ABHD3: variants seen among roughly 807,000 people sequenced by gnomAD.
ABHD3 encodes abhydrolase domain containing 3, phospholipase.
Under a neutral mutation model 48.8 loss-of-function variants are expected in ABHD3, and 46 were observed. That is an observed-to-expected ratio of 0.94 (90% confidence interval 0.74 to 1.20). The LOEUF is 1.20. Ranked by LOEUF, ABHD3 falls within the 50% of genes most tolerant of loss-of-function variation. ABHD3 has a pLI of 0.00. For missense variants in ABHD3, 490 were observed against 497.8 expected (o/e 0.98, Z 0.15); for synonymous variants, 192 against 183.7 (o/e 1.04, Z -0.36).
intron 3 of ABHD3, among the ~76,000 whole-genome samples, chr18:21,687,379 T>C (rs2040151102): frequency 8.0e-6 from 1 of 125,102 alleles, no homozygotes; most frequent in Non-Finnish European, 1.5e-5. Flanking sequence ...AGGCTAATTT[T>C]TTGTATTTTT....
intron 3 of ABHD3, among the ~76,000 whole-genome samples, chr18:21,698,974 C>T (rs568167748): frequency 3.6e-4 from 55 of 151,676 alleles, no homozygotes; most frequent in Non-Finnish European, 5.9e-4. Context: ...TGCTTTGTCT[C>T]CTAGACTGGA....
At chr18:21,656,614 A>G (rs1185770435) in intron 8 of ABHD3, among the ~76,000 whole-genome samples, 1 of 152,208 alleles carries the variant, frequency 6.6e-6, no homozygotes, top group Non-Finnish European at 1.5e-5. Context: ...GGTAAGAAGG[A>G]AAGGTTATAA....
At chr18:21,700,003 T>C (rs182362162) in intron 3 of ABHD3, among the ~76,000 whole-genome samples, 1 of 152,158 alleles carries the variant, frequency 6.6e-6, no homozygotes, top group Admixed American at 6.5e-5. Flanking sequence ...TTATAAGCAA[T>C]GGACAAAAGG....
At chr18:21,691,084 G>A (rs2040242139) in intron 3 of ABHD3, among the ~76,000 whole-genome samples, 1 of 149,250 alleles carries the variant, frequency 6.7e-6, no homozygotes, top group South Asian at 2.1e-4. Flanking sequence ...TACTCTGAAA[G>A]TTAAAGTGTA....
At chr18:21,696,303 C>T (rs1023823267) in intron 3 of ABHD3, among the ~76,000 whole-genome samples, 1 of 152,000 alleles carries the variant, frequency 6.6e-6, no homozygotes, top group Non-Finnish European at 1.5e-5. Flanking sequence ...GCCAACACGC[C>T]CGGCTAGTTT....
At chr18:21,651,860 G>C in intron 8 of ABHD3, 97 bp from the exon 9 acceptor site, 1 of 1,115,836 alleles carries the variant, frequency 9.0e-7, no homozygotes. Context: ...CCTTTATCAT[G>C]TCTAATAAAC....
rs62090805 is a variant in ABHD3, at chr18:21,699,359, A to G, written c.509+2957T>C. On this transcript the variant is annotated intron_variant, in intron 3 of 8. Transcript: ENST00000289119. ...TTCCAAAGCCCAAACACATTCCGTCATATTACACAGCTTTTCACAAACCCT... is the reference window on the plus strand; with the variant it reads ...TTCCAAAGCCCAAACACATTCCGTCGTATTACACAGCTTTTCACAAACCCT... 1.5e-3 allele frequency among the ~76,000 whole-genome samples: 225 copies of G among 152,332 alleles called. 1 individual carries two copies. Among genetic ancestry groups the G allele is most frequent in the Non-Finnish European group, 2.1e-3 (142 of 68,038 alleles).
Position 21,703,757 on chromosome 18 carries a change from A to G in ABHD3, c.163-10T>C. 6.2e-7 allele frequency: 1 copy of G among 1,611,944 alleles called. No homozygotes were observed. Among genetic ancestry groups the G allele is most frequent in the Non-Finnish European group, 8.5e-7 (1 of 1,178,418 alleles). On this transcript the variant is annotated splice_polypyrimidine_tract_variant and intron_variant, in intron 1 of 8. Coordinates refer to ENST00000289119, the MANE Select transcript of ABHD3 (RefSeq NM_138340.5). ...TCACTAACTGGGGTTTCTGAAGGGA[A>G]AAGCAGTATCAGAGAAGGGCCCAGA...
intron 3 of ABHD3, among the ~76,000 whole-genome samples, chr18:21,695,062 C>T (rs969335536): frequency 1.3e-5 from 2 of 151,938 alleles, no homozygotes; most frequent in African/African-American, 4.8e-5. Context: ...GATGGAGTCT[C>T]GCTCTTGTCA....
chr18:21,664,669 C>T (rs1220005652), intron 4 of ABHD3: 1 of 156,744 alleles, frequency 6.4e-6, no homozygotes, highest in Non-Finnish European at 1.4e-5. Flanking sequence ...CTTGCACTGT[C>T]ACTCAGGCTA....
At chr18:21,704,116 A>C (rs1293430255) in intron 1 of ABHD3, among the ~76,000 whole-genome samples, 9 of 152,050 alleles carry the variant, frequency 5.9e-5, no homozygotes, top group African/African-American at 1.4e-4. Context: ...CGAACTCTTG[A>C]CCTCAGGTGA....
intron 8 of ABHD3, among the ~76,000 whole-genome samples, chr18:21,656,464 C>G (rs2039352006): frequency 6.6e-6 from 1 of 152,182 alleles, no homozygotes; most frequent in African/African-American, 2.4e-5. Flanking sequence ...TATAAAGTCT[C>G]AAGTTCTCTT....
intron 4 of ABHD3, among the ~76,000 whole-genome samples, chr18:21,680,228 T>A (rs1355312354): frequency 6.7e-6 from 1 of 149,496 alleles, no homozygotes; most frequent in East Asian, 2.0e-4. Context: ...ATTGGCCACG[T>A]TGATCTCGAA....
intron 4 of ABHD3, chr18:21,683,549 C>T (rs778985604): frequency 3.9e-6 from 2 of 510,258 alleles, no homozygotes; most frequent in Non-Finnish European, 8.0e-6. Context: ...CAGTTCTTCC[C>T]AGAGTCAGGA....
intron 3 of ABHD3, among the ~76,000 whole-genome samples, chr18:21,699,461 G>A (rs567426185): frequency 6.6e-6 from 1 of 152,254 alleles, no homozygotes; most frequent in Admixed American, 6.5e-5. Flanking sequence ...TCAGCCTTGC[G>A]CCAAACTTCC....
Position 21,664,135 on chromosome 18 carries a change from T to C in ABHD3, c.651A>G (p.Ala217=). The C allele has an allele frequency of 6.2e-7, 1 of 1,611,088 alleles. No individual in the cohort carries two copies. The highest frequency in any genetic ancestry group is 8.5e-7 in the Non-Finnish European group (1 of 1,179,462). Residue 217 remains alanine (A), a synonymous_variant, in exon 5 of 9, where the codon GCA becomes GCG. Coordinates refer to ENST00000289119, the MANE Select transcript of ABHD3 (RefSeq NM_138340.5). ...SLYPSAPFLA[A]GVSMGGMLLL... is the part of the protein sequence containing the mutation. The stretch of plus-strand genomic sequence containing the variant: ...AACCTTACCCTCCCATTGAAACCCC[T>C]GCTGCCAGGAAAGGAGCAGAAGGGT...
intron 3 of ABHD3, among the ~76,000 whole-genome samples, chr18:21,696,319 A>G (rs982225680): frequency 1.3e-5 from 2 of 151,854 alleles, no homozygotes; most frequent in African/African-American, 4.8e-5. Context: ...AGTTTTTTTA[A>G]AAAATATTTT....
chr18:21,691,036 A>G (rs1179461830), intron 3 of ABHD3, among the ~76,000 whole-genome samples: 1 of 151,558 alleles, frequency 6.6e-6, no homozygotes, highest in Non-Finnish European at 1.5e-5. Flanking sequence ...ATCTAACTAC[A>G]TGCTATCTAC....
In ABHD3 at chr18:21,651,726, A is replaced by G; in HGVS notation, c.1095T>C (p.Val365=). 1 of 1,599,408 alleles carries G rather than the reference A, an allele frequency of 6.3e-7. No individual in the cohort carries two copies. The highest frequency in any genetic ancestry group is 8.5e-7 in the Non-Finnish European group (1 of 1,172,540). Residue 365 remains valine (V), a synonymous_variant, in exon 9 of 9, where the codon GTT becomes GTC. Transcript: ENST00000289119. The part of the protein sequence containing the change: ...PIETAKQNPN[V]ALVLTSYGGH... ...CTCCATAAGAAGTAAGGACCAAAGC[A>G]ACATTAGGATTTTGCTTAGCAGTTT...
Sources: gnomAD v4.1 joint callset for allele counts (sites outside exome capture counted in the v4.1 genomes callset) on GRCh38, gnomAD v4.1.1 for gene constraint, MANE v1.5 for transcripts, NCBI Gene and HGNC (gene_info 2026-07-23, HGNC 2026-07-21) for gene names.